Variants in IQCM observed in about 807,000 individuals in gnomAD.
IQCM encodes the protein IQ motif containing M.
IQCM carries 45 observed loss-of-function variants against 57.6 expected under a neutral mutation model. The observed-to-expected ratio is 0.78, with a 90% CI of 0.62 to 1.00. The LOEUF is 1.00. IQCM is among the 50% of genes least tolerant of loss of function. The pLI is 0.00. For synonymous variants in IQCM, 148 were observed against 158.9 expected, an observed-to-expected ratio of 0.93 and a Z score of 0.51; for missense variants, 468 against 511.6, an observed-to-expected ratio of 0.91 and a Z score of 0.82.
At chr4:149,642,083 T>G (rs888338033) in intron 7 of IQCM, among the ~76,000 whole-genome samples, 7 of 152,172 alleles carry the variant, frequency 4.6e-5, no homozygotes, top group African/African-American at 1.7e-4. Flanking sequence ...CAGAAAATGC[T>G]TGCACGGAGA....
intron 2 of IQCM, among the ~76,000 whole-genome samples, chr4:149,744,644 G>A (rs565938339): frequency 1.5e-4 from 22 of 151,566 alleles, no homozygotes; most frequent in Admixed American, 1.2e-3. Context: ...GGTGTAGAAC[G>A]GCCAGGAAGG....
chr4:149,815,841 T>C lies in IQCM; in HGVS notation c.-328A>G, dbSNP rs530795338. ...CTTCTTCTCACATATGCCTGTCTTC[T>C]TTGGGCATCAGAAGAATTCTAGAAT... On this transcript the variant is annotated 5_prime_UTR_variant, in exon 1 of 14. Transcript: ENST00000636793. 175 of 152,076 alleles carry C rather than the reference T, an allele frequency of 1.2e-3. 1 individual carries two copies. Among genetic ancestry groups the C allele is most frequent in the African/African-American group, 4.0e-3 (166 of 41,550 alleles). The allele number at this position is 152,076 out of a possible 1,614,324, so 9.4% of individuals were successfully genotyped here.
intron 13 of IQCM, among the ~76,000 whole-genome samples, chr4:149,379,143 T>C (rs1730900277): frequency 6.6e-6 from 1 of 152,214 alleles, no homozygotes; most frequent in Admixed American, 6.5e-5. Flanking sequence ...TGGAAACGCC[T>C]GGATGTCCAG....
At chr4:149,531,418 C>T (rs948899775) in intron 12 of IQCM, among the ~76,000 whole-genome samples, 14 of 152,112 alleles carry the variant, frequency 9.2e-5, no homozygotes, top group African/African-American at 3.4e-4. Flanking sequence ...TACTGTAACC[C>T]TCACTCATTG....
At chr4:149,634,191 G>A (rs1463822667) in intron 7 of IQCM, among the ~76,000 whole-genome samples, 1 of 151,992 alleles carries the variant, frequency 6.6e-6, no homozygotes, top group Non-Finnish European at 1.5e-5. Flanking sequence ...TGTATTTTTA[G>A]TAGAGACGGG....
chr4:149,806,884 C>T (rs1374303499), intron 2 of IQCM, among the ~76,000 whole-genome samples: 4 of 151,668 alleles, frequency 2.6e-5, no homozygotes, highest in South Asian at 2.1e-4. Context: ...TGACAGTGAT[C>T]GATCTTACAA....
rs72953668 is a variant in IQCM at position 149,372,327 on chromosome 4, A to T, written c.1391-20261T>A. Reference sequence around the variant, plus strand: ...TATGAACTCATAGACTGTATTACTGATAAGTTTTATGAACAAAAATAAGTG... The same window carrying T: ...TATGAACTCATAGACTGTATTACTGTTAAGTTTTATGAACAAAAATAAGTG... On this transcript the variant is annotated intron_variant, in intron 13 of 13. Transcript: ENST00000636793. Among the ~76,000 whole-genome samples the T allele has an allele frequency of 7.7e-3, 1,175 of 152,288 alleles. 12 individuals carry two copies. Among genetic ancestry groups the T allele is most frequent in the African/African-American group, 0.022 (908 of 41,576 alleles).
At chr4:149,717,023 C>T (rs1053858203) in intron 5 of IQCM, among the ~76,000 whole-genome samples, 1 of 152,216 alleles carries the variant, frequency 6.6e-6, no homozygotes, top group African/African-American at 2.4e-5. Context: ...AGGACCCATC[C>T]AGACCTCACT....
intron 9 of IQCM, among the ~76,000 whole-genome samples, chr4:149,565,614 A>G (rs1750549707): frequency 6.6e-6 from 1 of 152,202 alleles, no homozygotes; most frequent in Non-Finnish European, 1.5e-5. Flanking sequence ...CCAGATTAAG[A>G]AATTTTCATA....
chr4:149,429,442 A>T (rs1734671060), intron 13 of IQCM, among the ~76,000 whole-genome samples: 1 of 151,908 alleles, frequency 6.6e-6, no homozygotes, highest in Non-Finnish European at 1.5e-5. Flanking sequence ...CTTATGCAGC[A>T]TTCCAGTTAC....
At chr4:149,404,628 A>G (rs1413634994) in intron 13 of IQCM, among the ~76,000 whole-genome samples, 1 of 152,026 alleles carries the variant, frequency 6.6e-6, no homozygotes, top group East Asian at 1.9e-4. Flanking sequence ...GAAGTCTAGC[A>G]GCTGGTGAAA....
At chr4:149,498,632 G>A (rs1420344749) in intron 12 of IQCM, among the ~76,000 whole-genome samples, 1 of 152,130 alleles carries the variant, frequency 6.6e-6, no homozygotes, top group African/African-American at 2.4e-5. Flanking sequence ...CTCCCAGGGT[G>A]CCCTGAAGAA....
At chr4:149,787,671 A>G (rs1302560431) in intron 2 of IQCM, among the ~76,000 whole-genome samples, 1 of 152,204 alleles carries the variant, frequency 6.6e-6, no homozygotes, top group Non-Finnish European at 1.5e-5. Flanking sequence ...ATTTCTCACC[A>G]TATACAAAAA....
At chr4:149,569,830 A>T (rs1750989810) in intron 9 of IQCM, among the ~76,000 whole-genome samples, 1 of 152,132 alleles carries the variant, frequency 6.6e-6, no homozygotes, top group Admixed American at 6.6e-5. Flanking sequence ...GCTTAAACCA[A>T]GATCAGCAAA....
intron 9 of IQCM, among the ~76,000 whole-genome samples, chr4:149,564,936 C>T (rs142282515): frequency 6.6e-6 from 1 of 152,128 alleles, no homozygotes; most frequent in Non-Finnish European, 1.5e-5. Context: ...TATCTGTAAT[C>T]TTGGTAACCT....
At chr4:149,429,737 C>CA (rs1170648827) in intron 13 of IQCM, among the ~76,000 whole-genome samples, 1 of 151,842 alleles carries the variant, frequency 6.6e-6, no homozygotes, top group Admixed American at 6.6e-5. Context: ...AGGAGTTACT[C>CA]AGTTTTAGGA....
chr4:149,616,736 G>A (rs1755823768), intron 8 of IQCM, among the ~76,000 whole-genome samples: 1 of 152,098 alleles, frequency 6.6e-6, no homozygotes, highest in Admixed American at 6.6e-5. Context: ...TTGGGCGGCA[G>A]CGGGGTGTGG....
At chr4:149,385,324 A>G (rs1388499225) in intron 13 of IQCM, among the ~76,000 whole-genome samples, 3 of 152,060 alleles carry the variant, frequency 2.0e-5, no homozygotes, top group African/African-American at 4.8e-5. Flanking sequence ...AAACGAGTAC[A>G]AGGAAGAGGT....
In IQCM at chr4:149,735,370, A is replaced by G. The variant is rs1230115680; in HGVS notation, c.120+6T>C. On this transcript the variant is annotated splice_donor_region_variant and intron_variant, in intron 4 of 13. Transcript: ENST00000636793. ...ATGTAACATTAGATAAATGCAAAGGACTAACCTCATTTATTTTCTCATAAT... is the reference window on the plus strand; with the variant it reads ...ATGTAACATTAGATAAATGCAAAGGGCTAACCTCATTTATTTTCTCATAAT... 10 of 1,218,480 alleles carry G rather than the reference A, an allele frequency of 8.2e-6. No homozygotes were observed. The highest frequency in any genetic ancestry group is 1.0e-5 in the Non-Finnish European group (10 of 975,870). The allele number at this position is 1,218,480 out of a possible 1,614,324, so 75.5% of individuals were successfully genotyped here.
Sources: allele counts gnomAD v4.1 joint callset (sites outside exome capture counted in the v4.1 genomes callset), GRCh38; gene constraint gnomAD v4.1.1; transcripts MANE v1.5; gene names NCBI Gene and HGNC (gene_info 2026-07-23, HGNC 2026-07-21).